Variants in CFAP20DC observed in about 807,000 individuals in gnomAD.
The protein encoded by CFAP20DC is CFAP20 domain containing, also known as protein CFAP20DC.
In CFAP20DC, 84 loss-of-function variants were observed where a neutral mutation model predicts 101.7. The observed-to-expected ratio is 0.83, with a 90% CI of 0.69 to 0.99. The LOEUF is 0.99. Ranked by LOEUF, CFAP20DC falls within the 50% of genes least tolerant of loss-of-function variation. The pLI, the probability that CFAP20DC is intolerant of heterozygous loss-of-function variation, is 0.00. For synonymous variants in CFAP20DC, 359 were observed against 351.2 expected (o/e 1.02, Z -0.25); for missense variants, 1,007 against 970.3 (o/e 1.04, Z -0.50).
chr3:58,772,482 G>A (rs532490090), intron 15 of CFAP20DC, among the ~76,000 whole-genome samples: 2 of 152,262 alleles, frequency 1.3e-5, no homozygotes, highest in East Asian at 3.9e-4. Flanking sequence ...AAGGAGATGG[G>A]ACACTAGCAG....
chr3:58,853,254 G>A (rs1364951903), intron 12 of CFAP20DC, among the ~76,000 whole-genome samples: 10 of 152,068 alleles, frequency 6.6e-5, no homozygotes, highest in African/African-American at 2.2e-4. Context: ...TAAATTTCTC[G>A]ACACATACAC....
At chr3:58,925,516 AT>A in intron 5 of CFAP20DC, among the ~76,000 whole-genome samples, 1 of 152,320 alleles carries the variant, frequency 6.6e-6, no homozygotes, top group Non-Finnish European at 1.5e-5. Flanking sequence ...CTCGATCAAT[AT>A]TTGCTAATTA....
At chr3:59,021,664 T>C (rs979279274) in intron 4 of CFAP20DC, among the ~76,000 whole-genome samples, 2 of 151,958 alleles carry the variant, frequency 1.3e-5, no homozygotes, top group African/African-American at 4.8e-5. Flanking sequence ...CACACAATGA[T>C]GAGATAGAGT....
At chr3:58,903,599 C>G (rs568034785) in intron 6 of CFAP20DC, among the ~76,000 whole-genome samples, 1 of 152,260 alleles carries the variant, frequency 6.6e-6, no homozygotes, top group Admixed American at 6.5e-5. Flanking sequence ...CAAACATGTT[C>G]TTCTTCATAA....
chr3:58,729,457 G>T lies in CFAP20DC; in HGVS notation c.198-11829C>A, dbSNP rs373261983. ...ATGACTTTTATCCAACAACATTAACGAATTCTTATAACTTTTATTAATTTA... is the reference window on the plus strand; with the variant it reads ...ATGACTTTTATCCAACAACATTAACTAATTCTTATAACTTTTATTAATTTA... On this transcript the variant is annotated intron_variant, in intron 3 of 3. Coordinates refer to the CFAP20DC transcript ENST00000486145. This position sits in a 1 kb window ranked among gnomAD's most constrained non-coding sequence, Gnocchi z 4.4. Among the ~76,000 whole-genome samples the T allele has an allele frequency of 6.6e-6, 1 of 151,754 alleles. No individual in the cohort carries two copies. Among genetic ancestry groups the T allele is most frequent in the South Asian group, 2.1e-4 (1 of 4,784 alleles).
At chr3:58,810,970 G>T (rs1256990439) in intron 14 of CFAP20DC, among the ~76,000 whole-genome samples, 3 of 151,926 alleles carry the variant, frequency 2.0e-5, no homozygotes, top group African/African-American at 4.8e-5. Context: ...TCAAAGAGAA[G>T]AAAATACCTA....
intron 15 of CFAP20DC, among the ~76,000 whole-genome samples, chr3:58,790,516 C>G (rs1022204554): frequency 3.9e-5 from 6 of 152,104 alleles, no homozygotes; most frequent in Non-Finnish European, 7.4e-5. Context: ...AACAGAAGAG[C>G]AGAAGAGCAG....
chr3:58,948,180 A>T (rs548012152), intron 4 of CFAP20DC, among the ~76,000 whole-genome samples: 5 of 152,368 alleles, frequency 3.3e-5, no homozygotes, highest in African/African-American at 1.2e-4. Flanking sequence ...GACTGCCACA[A>T]TGACAATACC....
intron 4 of CFAP20DC, among the ~76,000 whole-genome samples, chr3:58,944,857 T>C (rs753516488): frequency 3.9e-5 from 6 of 152,140 alleles, no homozygotes; most frequent in Non-Finnish European, 8.8e-5. Flanking sequence ...CTAGCAAGAC[T>C]GGAGTGTAAA....
intron 6 of CFAP20DC, among the ~76,000 whole-genome samples, chr3:58,893,621 G>C (rs1244119070): frequency 6.6e-6 from 1 of 152,152 alleles, no homozygotes; most frequent in African/African-American, 2.4e-5. Flanking sequence ...ATATCTGCCA[G>C]GTTTTGGTAT....
At position 58,892,328 on chromosome 3, in the gene CFAP20DC, T is replaced by G. The variant is rs187848521; in HGVS notation, c.551-7619A>C. Among the ~76,000 whole-genome samples, 2 of 152,344 alleles carry G rather than the reference T, an allele frequency of 1.3e-5. No homozygotes were observed. Among genetic ancestry groups the G allele is most frequent in the Non-Finnish European group, 2.9e-5 (2 of 68,026 alleles). On this transcript the variant is annotated intron_variant, in intron 6 of 16. Coordinates refer to ENST00000482387, the MANE Select transcript of CFAP20DC (RefSeq NM_001394063.1). The surrounding 1 kb of genome is among the most constrained non-coding windows in gnomAD (Gnocchi z 4.0). ...CTTGGCTATACAGATTCTTTTTTGGTTCCACATGAATTTTAAAGTAGTTTC... is the reference window on the plus strand; with the variant it reads ...CTTGGCTATACAGATTCTTTTTTGGGTCCACATGAATTTTAAAGTAGTTTC...
In CFAP20DC at chr3:59,038,336, G is replaced by T. The variant is rs533753697; in HGVS notation, c.278+1221C>A. Among the ~76,000 whole-genome samples the T allele has an allele frequency of 2.0e-5, 3 of 152,226 alleles. No individual in the cohort carries two copies. The South Asian group carries it at 6.2e-4, about 32-fold the overall frequency. ...AAGAATGTGAAGAAATATAAGTGTG[G>T]AAAACCATGAAGTTTGAAAATAGAC... is the stretch of plus-strand genomic sequence containing the variant. On this transcript the variant is annotated intron_variant, in intron 4 of 16. Coordinates refer to ENST00000482387, the MANE Select transcript of CFAP20DC (RefSeq NM_001394063.1).
chr3:58,937,770 C>T lies in CFAP20DC; in HGVS notation c.279-8G>A. The T allele has an allele frequency of 7.0e-7, 1 of 1,431,594 alleles. No individual in the cohort carries two copies. The highest frequency in any genetic ancestry group is 9.8e-7 in the Non-Finnish European group (1 of 1,015,876). The allele number at this position is 1,431,594 out of a possible 1,614,324, so 88.7% of individuals were successfully genotyped here. A position where few individuals can be genotyped will look rare whatever the true frequency, so the allele number is the denominator to read the frequency against. ...TTCCCTAAATCAGTAATTCTGAAAA[C>T]ATGGAGGAGAGAAGACAGAAAGATT... On this transcript the variant is annotated splice_region_variant and splice_polypyrimidine_tract_variant and intron_variant, in intron 4 of 16. Coordinates refer to ENST00000482387, the MANE Select transcript of CFAP20DC (RefSeq NM_001394063.1).
At chr3:58,891,152 C>T (rs1022857369) in intron 6 of CFAP20DC, among the ~76,000 whole-genome samples, 2 of 151,814 alleles carry the variant, frequency 1.3e-5, no homozygotes, top group South Asian at 2.1e-4. Flanking sequence ...ACTGAGTGAA[C>T]GAGACTCCGT....
chr3:58,944,135 G>C (rs1004552571), intron 4 of CFAP20DC, among the ~76,000 whole-genome samples: 1 of 152,106 alleles, frequency 6.6e-6, no homozygotes, highest in African/African-American at 2.4e-5. Flanking sequence ...ATGGAACCAA[G>C]TAGGAAAACA....
rs555620702 is a variant in CFAP20DC, at chr3:58,842,917, C to T, written c.1971+6115G>A. The stretch of plus-strand genomic sequence containing the variant: ...AGCAGGGGCACACTGACACCTCACA[C>T]GGCAGCGTATTCCAACAGACCTGCA... On this transcript the variant is annotated intron_variant, in intron 13 of 16. Coordinates refer to ENST00000482387, the MANE Select transcript of CFAP20DC (RefSeq NM_001394063.1). Among the ~76,000 whole-genome samples, 855 of 152,298 alleles carry T rather than the reference C, an allele frequency of 5.6e-3. 3 individuals carry two copies. The highest frequency in any genetic ancestry group is 9.4e-3 in the Non-Finnish European group (637 of 68,028).
rs989099208 is a variant in CFAP20DC, at chr3:58,925,997, A to G, written c.393+11651T>C. Among the ~76,000 whole-genome samples, 4 of 152,234 alleles carry G rather than the reference A, an allele frequency of 2.6e-5. No homozygotes were observed. In the East Asian group the frequency reaches 7.7e-4, roughly 29 times the overall value. ...CAGGACCAGCATAAGAAGGCATAAG[A>G]CAGTTCTCCTTTCTCCAGATTTCTT... On this transcript the variant is annotated intron_variant, in intron 5 of 16. Coordinates refer to ENST00000482387, the MANE Select transcript of CFAP20DC (RefSeq NM_001394063.1).
chr3:59,021,123 G>A, intron 4 of CFAP20DC, among the ~76,000 whole-genome samples: 1 of 151,968 alleles, frequency 6.6e-6, no homozygotes, highest in Non-Finnish European at 1.5e-5. Flanking sequence ...TATTATAGAT[G>A]TTCAATAAAC....
Position 58,899,241 on chromosome 3 carries a change from C to G in CFAP20DC, c.550+14467G>C, listed in dbSNP as rs557422117. On this transcript the variant is annotated intron_variant, in intron 6 of 16. Coordinates refer to ENST00000482387, the MANE Select transcript of CFAP20DC (RefSeq NM_001394063.1). The surrounding 1 kb of genome is among the most constrained non-coding windows in gnomAD (Gnocchi z 5.0). ...GCAGCTGTGCTGCGTTGTGGGAGAC[C>G]CTTCCTTGTCCAGGCTGTCTGGACT... is the stretch of plus-strand genomic sequence containing the variant. Among the ~76,000 whole-genome samples, 309 of 152,186 alleles carry G rather than the reference C, an allele frequency of 2.0e-3. 1 individual carries two copies. Among genetic ancestry groups the G allele is most frequent in the Non-Finnish European group, 2.2e-3 (149 of 68,030 alleles).
Sources: gnomAD v4.1 joint callset for allele counts (sites outside exome capture counted in the v4.1 genomes callset) on GRCh38, gnomAD v4.1.1 for gene constraint, Gnocchi (gnomAD v3.1) non-coding constraint, MANE v1.5 for transcripts, NCBI Gene and HGNC (gene_info 2026-07-23, HGNC 2026-07-21) for gene names.